Variants in MSH4 observed in about 807,000 individuals in gnomAD.
MSH4 encodes the protein mutS homolog 4, also known as mutS protein homolog 4.
Under a neutral mutation model 113.7 loss-of-function variants are expected in MSH4, and 106 were observed. That is an observed-to-expected ratio of 0.93 (90% CI 0.80 to 1.10). MSH4 has a LOEUF of 1.10. Among genes scored for constraint, MSH4 ranks in the 50% least tolerant of loss-of-function variants. The pLI, the probability that MSH4 is intolerant of heterozygous loss-of-function variation, is 0.00. For synonymous variants in MSH4, 368 were observed against 380.2 expected (o/e 0.97, Z 0.37); for missense variants, 1,061 against 1,093.7 (o/e 0.97, Z 0.42).
chr1:75,798,689 T>C lies in MSH4; in HGVS notation c.244+1460T>C, dbSNP rs898999685. ...CTCCCACCTCAGCCTCCCGAGTAGC[T>C]GGGACCAAGGCATGTGCCCCTACAG... On this transcript the variant is annotated intron_variant, in intron 1 of 19. Transcript: ENST00000263187. Among the ~76,000 whole-genome samples, 9 of 152,058 alleles carry C rather than the reference T, an allele frequency of 5.9e-5. No homozygotes were observed. In the South Asian group the frequency reaches 1.2e-3, roughly 21 times the overall value.
chr1:75,839,317 C>G (rs1319537528), intron 7 of MSH4, among the ~76,000 whole-genome samples: 1 of 152,048 alleles, frequency 6.6e-6, no homozygotes, highest in East Asian at 1.9e-4. Flanking sequence ...TGGGTTCAAG[C>G]AATTCTCCAG....
chr1:75,812,761 C>T (rs1490938987), intron 4 of MSH4, among the ~76,000 whole-genome samples: 1 of 152,130 alleles, frequency 6.6e-6, no homozygotes, highest in Admixed American at 6.6e-5. Context: ...CCTATTCTCC[C>T]ACAGAGGATA....
intron 9 of MSH4, among the ~76,000 whole-genome samples, chr1:75,869,234 A>G (rs537748499): frequency 1.3e-5 from 2 of 152,116 alleles, no homozygotes; most frequent in African/African-American, 4.8e-5. Flanking sequence ...TGCCCTGGAG[A>G]TCTGTGGAAC....
At chr1:75,902,675 A>ATG (rs1652531178) in intron 19 of MSH4, among the ~76,000 whole-genome samples, 1 of 6,518 alleles carries the variant, frequency 1.5e-4, no homozygotes, top group Non-Finnish European at 4.0e-4. Flanking sequence ...ATGTGTATGT[A>ATG]TATATATATA....
At chr1:75,882,554 T>A (rs2100573568) in intron 14 of MSH4, among the ~76,000 whole-genome samples, 1 of 151,732 alleles carries the variant, frequency 6.6e-6, no homozygotes, top group Admixed American at 6.6e-5. Flanking sequence ...AATTTCTCCA[T>A]GGGCTTAGAA....
intron 7 of MSH4, among the ~76,000 whole-genome samples, chr1:75,826,996 A>G (rs190621365): frequency 7.0e-4 from 106 of 152,276 alleles, no homozygotes; most frequent in African/African-American, 2.5e-3. Flanking sequence ...AGCTGGGTTC[A>G]AGTCTTGAAT....
At chr1:75,866,480 A>G (rs1348043752) in intron 8 of MSH4, among the ~76,000 whole-genome samples, 1 of 152,146 alleles carries the variant, frequency 6.6e-6, no homozygotes, top group East Asian at 1.9e-4. Context: ...ATTCTTCTTT[A>G]GTGATAGTGA....
intron 7 of MSH4, among the ~76,000 whole-genome samples, chr1:75,828,588 T>C (rs1309433115): frequency 6.6e-6 from 1 of 152,168 alleles, no homozygotes; most frequent in Non-Finnish European, 1.5e-5. Flanking sequence ...TTCTTACTTA[T>C]ATGTGGGAGC....
intron 7 of MSH4, among the ~76,000 whole-genome samples, chr1:75,844,734 T>C (rs1048227367): frequency 6.6e-6 from 1 of 152,202 alleles, no homozygotes; most frequent in Non-Finnish European, 1.5e-5. Flanking sequence ...GGAAAATAAA[T>C]TGAGAAGAAT....
chr1:75,829,041 G>A (rs941909195), intron 7 of MSH4, among the ~76,000 whole-genome samples: 9 of 152,172 alleles, frequency 5.9e-5, no homozygotes, highest in African/African-American at 2.2e-4. Flanking sequence ...CCAGCAAAGG[G>A]AAGCCATGAC....
chr1:75,868,222 C>G (rs1340957132), intron 9 of MSH4, among the ~76,000 whole-genome samples: 2 of 152,170 alleles, frequency 1.3e-5, no homozygotes, highest in East Asian at 3.8e-4. Flanking sequence ...TCAAGAGGCA[C>G]ATAATGCCAT....
intron 6 of MSH4, among the ~76,000 whole-genome samples, chr1:75,819,869 C>A (rs1570947306): frequency 6.6e-6 from 1 of 151,976 alleles, no homozygotes; most frequent in Admixed American, 6.6e-5. Context: ...TGCCACTATA[C>A]CTGGCTAATT....
Position 75,861,949 on chromosome 1 carries a change from T to C in MSH4, c.1231-5565T>C, listed in dbSNP as rs543193653. The stretch of plus-strand genomic sequence containing the variant: ...CCTAGCTCGAGCTTCCCTGCCACTT[T>C]GTTTACACTGTGTGTATAGAACCAC... On this transcript the variant is annotated intron_variant, in intron 8 of 19. Coordinates refer to ENST00000263187, the MANE Select transcript of MSH4 (RefSeq NM_002440.4). 2.6e-5 allele frequency among the ~76,000 whole-genome samples: 4 copies of C among 152,300 alleles called. No individual in the cohort carries two copies. In the East Asian group the frequency reaches 7.7e-4, roughly 29 times the overall value.
chr1:75,817,595 A>C (rs1455276950), intron 6 of MSH4, among the ~76,000 whole-genome samples: 1 of 152,210 alleles, frequency 6.6e-6, no homozygotes, highest in Non-Finnish European at 1.5e-5. Flanking sequence ...GTTGAAAGGA[A>C]CAATTGAAAA....
chr1:75,808,822 T>C (rs953528892), intron 3 of MSH4, among the ~76,000 whole-genome samples: 22 of 152,226 alleles, frequency 1.4e-4, no homozygotes, highest in Admixed American at 6.5e-4. Flanking sequence ...TCATTTTATA[T>C]CACTCATCAT....
Position 75,816,564 on chromosome 1 carries a change from AT to A in MSH4, c.989+21del. ...GACTATAGGTAAGATCATCCATTTT[AT>A]TTGTATAAAATATATCGGTATATAT... On this transcript the variant is annotated intron_variant, in intron 6 of 19. Coordinates refer to ENST00000263187, the MANE Select transcript of MSH4 (RefSeq NM_002440.4). The A allele has an allele frequency of 7.0e-7, 1 of 1,436,028 alleles. No individual in the cohort carries two copies. Among genetic ancestry groups the A allele is most frequent in the Non-Finnish European group, 9.5e-7 (1 of 1,057,824 alleles). The allele number at this position is 1,436,028 out of a possible 1,614,324, so 89.0% of individuals were successfully genotyped here. A position where few individuals can be genotyped will look rare whatever the true frequency, so the allele number is the denominator to read the frequency against.
intron 15 of MSH4, among the ~76,000 whole-genome samples, chr1:75,885,347 A>G (rs59326352): frequency 0.17 from 20,645 of 124,038 alleles, 2,091 homozygotes; most frequent in African/African-American, 0.25. Flanking sequence ...GTGTGTATAT[A>G]TATATATATA....
At position 75,853,133 on chromosome 1, in the gene MSH4, C is replaced by T. The variant is rs183872474; in HGVS notation, c.1230+4857C>T. Among the ~76,000 whole-genome samples, 30 of 152,036 alleles carry T rather than the reference C, an allele frequency of 2.0e-4. No individual in the cohort carries two copies. The East Asian group carries it at 5.2e-3, about 26-fold the overall frequency. On this transcript the variant is annotated intron_variant, in intron 8 of 19. Transcript: ENST00000263187. ...AGGCTGGAATGCAGTGGTGTAATCT[C>T]GGCTCACTGCAACCTCCACCTCCCA...
chr1:75,867,631 T>G, intron 9 of MSH4, 43 bp downstream of exon 9: 3 of 1,295,346 alleles, frequency 2.3e-6, no homozygotes, highest in Non-Finnish European at 3.2e-6. Context: ...TCCAGCATTA[T>G]TTTTTAACTT....
Sources: allele counts gnomAD v4.1 joint callset (sites outside exome capture counted in the v4.1 genomes callset), GRCh38; gene constraint gnomAD v4.1.1; transcripts MANE v1.5; gene names NCBI Gene and HGNC (gene_info 2026-07-23, HGNC 2026-07-21).